SPATA20: variants seen among roughly 807,000 people sequenced by gnomAD.
SPATA20 encodes the protein spermatogenesis associated 20.
In SPATA20, 74 loss-of-function variants were observed where a neutral mutation model predicts 98.9. The observed-to-expected ratio is 0.75, with a 90% confidence interval of 0.62 to 0.91. The LOEUF is 0.91. Ranked by LOEUF, SPATA20 falls within the 40% of genes least tolerant of loss-of-function variation. The pLI, the probability that SPATA20 is intolerant of heterozygous loss-of-function variation, is 0.00. For synonymous variants in SPATA20, 430 were observed against 440.5 expected (o/e 0.98, Z 0.30); for missense variants, 1,016 against 1,069.8 (o/e 0.95, Z 0.70).
chr17:50,551,782 C>T, intron 13 of SPATA20, 103 bp downstream of exon 13: 2 of 1,364,130 alleles, frequency 1.5e-6, no homozygotes, highest in Non-Finnish European at 2.0e-6. Flanking sequence ...CTGGCTCTGC[C>T]AGGTGCTTGC....
rs143128330 is a variant in SPATA20, at chr17:50,554,483, G to A, written c.2157+33G>A. 2,218 of 1,599,462 alleles carry A rather than the reference G, an allele frequency of 1.4e-3. 23 individuals are homozygous for A. In the African/African-American group the frequency reaches 0.025, roughly 18 times the overall value. On this transcript the variant is annotated intron_variant, in intron 15 of 16. Transcript: ENST00000006658. ...GTGAGGGCATCTGGGCTGGGACCTCGGGTAGGAGGGAAGTTGGGGCTGCGA... is the reference window on the plus strand; with the variant it reads ...GTGAGGGCATCTGGGCTGGGACCTCAGGTAGGAGGGAAGTTGGGGCTGCGA...
chr17:50,549,876 C>T, intron 7 of SPATA20, 109 bp from the exon 8 acceptor site: 14 of 1,231,468 alleles, frequency 1.1e-5, no homozygotes, highest in Non-Finnish European at 1.6e-5. Flanking sequence ...CCAGAGACTG[C>T]CTGTTGAGTG....
rs1423186018 is a variant in SPATA20, at chr17:50,554,409, A to T, written c.2116A>T (p.Met706Leu). ...MRRVPVALPE[M>L]VRALSAQQQT... ...TCGTGTCCCGGTGGCGTTGCCCGAG[A>T]TGGTCCGCGCCCTCTCAGCCCAGCA... The change falls in exon 15 of 17, where the codon ATG (methionine) becomes TTG (leucine). Residue 706 changes from methionine (M) to leucine (L), a missense_variant. Physicochemically the swap from Met to Leu is conservative, Grantham distance 15. Transcript: ENST00000006658. 4.1e-5 allele frequency: 66 copies of T among 1,613,090 alleles called. No individual in the cohort carries two copies. The highest frequency in any genetic ancestry group is 5.6e-5 in the Non-Finnish European group (66 of 1,179,952).
chr17:50,549,986 G>T lies in SPATA20; in HGVS notation c.864G>T (p.Val288=). The stretch of plus-strand genomic sequence containing the variant: ...TGCATGTTCTTGGTGCCCCCACAGT[G>T]ATCCTGAGCTTCCTGTTCTCCTACT... ...FAEAPKFPTP[V]ILSFLFSYWL... Residue 288 remains valine, a splice_region_variant and synonymous_variant, in exon 8 of 17, where the codon GTG becomes GTT. Coordinates refer to ENST00000006658, the MANE Select transcript of SPATA20 (RefSeq NM_022827.4). The T allele has an allele frequency of 6.5e-7, 1 of 1,543,452 alleles. No individual in the cohort carries two copies.
In SPATA20 at chr17:50,549,915, C is replaced by A. The variant is rs545330811; in HGVS notation, c.863-70C>A. 2.7e-6 allele frequency: 4 copies of A among 1,505,714 alleles called. No homozygotes were observed. The South Asian group carries it at 4.0e-5, about 15-fold the overall frequency. 93.3% of individuals were successfully genotyped at this position (1,505,714 alleles called of 1,614,324 possible). Reference sequence around the variant, plus strand: ...TCCCAGCCTCTGCCTGGCCCAAGGCCTCCTGACCACCCCGATCTCTGTCCC... The same window carrying A: ...TCCCAGCCTCTGCCTGGCCCAAGGCATCCTGACCACCCCGATCTCTGTCCC... On this transcript the variant is annotated intron_variant, in intron 7 of 16. Transcript: ENST00000006658.
chr17:50,551,903 C>T, intron 13 of SPATA20, 66 bp from the exon 14 acceptor site: 1 of 1,429,694 alleles, frequency 7.0e-7, no homozygotes, highest in East Asian at 2.5e-5. Flanking sequence ...GTGAAAGGGC[C>T]TCCTCTGGGA....
At position 50,550,817 on chromosome 17, in the gene SPATA20, TC is replaced by T. The variant is rs1364561380; in HGVS notation, c.1286del (p.Pro429ArgfsTer11). On this transcript the variant is annotated frameshift_variant, in exon 11 of 17. Coordinates refer to ENST00000006658, the MANE Select transcript of SPATA20 (RefSeq NM_022827.4). LOFTEE classifies it high-confidence loss of function. ...ACGGTCAAAGAGGTTCAGCAGCTCC[TC>T]CCGGAGCCTGTGTTGGGTGCCACCG... ...VWTVKEVQQL[L>X]PEPVLGATEP... The T allele has an allele frequency of 6.2e-7, 1 of 1,612,778 alleles. No individual in the cohort carries two copies. Among genetic ancestry groups the T allele is most frequent in the Non-Finnish European group, 8.5e-7 (1 of 1,179,940 alleles).
rs1456402845 is a variant in SPATA20, at chr17:50,549,460, G to A, written c.835G>A (p.Ala279Thr). Residue 279 changes from alanine to threonine, a missense_variant, in exon 7 of 17, where the codon GCT becomes ACT. Physicochemically the swap from Ala to Thr is moderately conservative, Grantham distance 58. Transcript: ENST00000006658. ...EGYDEEYGGF[A>T]EAPKFPTPVI... ...CTATGATGAGGAATACGGTGGCTTC[G>A]CTGAGGCCCCCAAGTTTCCCACGCC... 3.1e-6 allele frequency: 5 copies of A among 1,612,158 alleles called. No homozygotes were observed. The highest frequency in any genetic ancestry group is 1.7e-5 in the Admixed American group (1 of 60,018).
rs1386518600 is a variant in SPATA20 at position 50,551,594 on chromosome 17, T to A, written c.1660T>A (p.Phe554Ile). The stretch of plus-strand genomic sequence containing the variant: ...CAACTATGCCACCAATGGTGCCAAG[T>A]TCCTGAAGCGGCACATGTTTGATGT... ...LINYATNGAK[F>I]LKRHMFDVAS... The change falls in exon 13 of 17, where the codon TTC becomes ATC. Residue 554 changes from phenylalanine to isoleucine, a missense_variant. Physicochemically the swap from Phe to Ile is conservative, Grantham distance 21 (BLOSUM62 0). Coordinates refer to ENST00000006658, the MANE Select transcript of SPATA20 (RefSeq NM_022827.4). 6.2e-7 allele frequency: 1 copy of A among 1,608,416 alleles called. No homozygotes were observed. The highest frequency in any genetic ancestry group is 8.5e-7 in the Non-Finnish European group (1 of 1,175,536).
chr17:50,549,558 G>T, intron 7 of SPATA20, 71 bp downstream of exon 7: 1 of 1,475,130 alleles, frequency 6.8e-7, no homozygotes, highest in Non-Finnish European at 9.2e-7. Context: ...GGACCTACTG[G>T]CTCCTGGCCT....
Position 50,554,521 on chromosome 17 carries a change from A to G in SPATA20, c.2157+71A>G, listed in dbSNP as rs917102761. On this transcript the variant is annotated intron_variant, in intron 15 of 16. Coordinates refer to ENST00000006658, the MANE Select transcript of SPATA20 (RefSeq NM_022827.4). ...GTTGGGGCTGCGATGGCAGATGGGA[A>G]CAGGGGGTGGGGTTCCTGGGCTGTC... is the stretch of plus-strand genomic sequence containing the variant. The G allele has an allele frequency of 1.7e-5, 26 of 1,507,754 alleles. No individual in the cohort carries two copies. In the African/African-American group the frequency reaches 3.4e-4, roughly 20 times the overall value. The allele number at this position is 1,507,754 out of a possible 1,614,324, so 93.4% of individuals were successfully genotyped here.
Position 50,548,822 on chromosome 17 carries a change from C to T in SPATA20, c.374C>T (p.Thr125Ile). The change falls in exon 5 of 17, where the codon ACC becomes ATC. Residue 125 changes from threonine (T) to isoleucine (I), a missense_variant. Coordinates refer to ENST00000006658, the MANE Select transcript of SPATA20 (RefSeq NM_022827.4). ...KPIFLSVGYS[T>I]CHWCHMMEEE... ...TGGCCCTGTTCAGTCGGGTACTCCA[C>T]CTGCCACTGGTGCCACATGATGGAA... 6.2e-7 allele frequency: 1 copy of T among 1,613,406 alleles called. No individual in the cohort carries two copies. Among genetic ancestry groups the T allele is most frequent in the Non-Finnish European group, 8.5e-7 (1 of 1,179,634 alleles).
rs755654926 is a variant in SPATA20 at position 50,555,291 on chromosome 17, C to G, written c.2217C>G (p.His739Gln). Residue 739 changes from histidine to glutamine, a missense_variant, in exon 16 of 17, where the codon CAC becomes CAG. Coordinates refer to ENST00000006658, the MANE Select transcript of SPATA20 (RefSeq NM_022827.4). The part of the protein sequence containing the change: ...KDTKALVQCV[H>Q]SVYIPNKVLI... ...CCAAGGCCCTGGTGCAGTGCGTCCA[C>G]TCTGTCTACATTCCTAACAAGGTAC... is the stretch of plus-strand genomic sequence containing the variant. The G allele has an allele frequency of 6.2e-7, 1 of 1,614,040 alleles. No homozygotes were observed. Among genetic ancestry groups the G allele is most frequent in the Non-Finnish European group, 8.5e-7 (1 of 1,179,952 alleles).
rs2035111612 is a variant in SPATA20, at chr17:50,555,781, C to T, written c.*119C>T. 2.3e-6 allele frequency: 2 copies of T among 870,968 alleles called. No individual in the cohort carries two copies. Among genetic ancestry groups the T allele is most frequent in the Admixed American group, 5.7e-5 (2 of 35,126 alleles). The allele number at this position is 870,968 out of a possible 1,614,324, so 54.0% of individuals were successfully genotyped here. A position where few individuals can be genotyped will look rare whatever the true frequency, so the allele number is the denominator to read the frequency against. ...CCCTGAGCACCCTGCCACCAGGTGA[C>T]CTCGGCCATACTCACTGCCCCCCTT... On this transcript the variant is annotated 3_prime_UTR_variant, in exon 17 of 17. Coordinates refer to ENST00000006658, the MANE Select transcript of SPATA20 (RefSeq NM_022827.4).
In SPATA20 at chr17:50,551,656, C is replaced by T. The variant is rs759128962; in HGVS notation, c.1722C>T (p.Gly574=). Residue 574 remains glycine (G), a synonymous_variant, in exon 13 of 17, where the codon GGC becomes GGT. Coordinates refer to ENST00000006658, the MANE Select transcript of SPATA20 (RefSeq NM_022827.4). The part of the protein sequence containing the change: ...SGRLMRTCYT[G]PGGTVEHSNP... ...GCCTGATGCGGACCTGCTACACCGGCCCTGGGGGGACTGTGGAGCACAGGT... is the reference window on the plus strand; with the variant it reads ...GCCTGATGCGGACCTGCTACACCGGTCCTGGGGGGACTGTGGAGCACAGGT... The T allele has an allele frequency of 4.4e-6, 7 of 1,592,670 alleles. No homozygotes were observed. The highest frequency in any genetic ancestry group is 6.0e-6 in the Non-Finnish European group (7 of 1,162,930).
In SPATA20 at chr17:50,549,149, T is replaced by A. The variant is rs767053961; in HGVS notation, c.623T>A (p.Val208Asp). 1 of 1,608,752 alleles carries A rather than the reference T, an allele frequency of 6.2e-7. No individual in the cohort carries two copies. Residue 208 changes from valine (V) to aspartate (D), a missense_variant, in exon 6 of 17, where the codon GTC becomes GAC. Coordinates refer to ENST00000006658, the MANE Select transcript of SPATA20 (RefSeq NM_022827.4). ...YFPPEDGLTR[V>D]GFRTVLLRIR... Reference sequence around the variant, plus strand: ...CCTCCTGAGGATGGCTTGACCCGAGTCGGCTTCCGCACAGTGTTGCTGAGA... The same window carrying A: ...CCTCCTGAGGATGGCTTGACCCGAGACGGCTTCCGCACAGTGTTGCTGAGA...
rs570891516 is a variant in SPATA20, at chr17:50,547,828, G to A, written c.125+61G>A. On this transcript the variant is annotated intron_variant, in intron 2 of 16. Transcript: ENST00000006658. ...TCCTCTGTTTGTCCCTCACCTGGTC[G>A]AGTCCCAGACCCTACTGATCTTGGC... The A allele has an allele frequency of 8.5e-5, 73 of 858,092 alleles. No homozygotes were observed. The African/African-American group carries it at 1.1e-3, about 13-fold the overall frequency. 53.2% of individuals were successfully genotyped at this position (858,092 alleles called of 1,614,324 possible). A position where few individuals can be genotyped will look rare whatever the true frequency, so the allele number is the denominator to read the frequency against.
Position 50,555,737 on chromosome 17 carries a change from C to T in SPATA20, c.*75C>T. 1 of 1,370,454 alleles carries T rather than the reference C, an allele frequency of 7.3e-7. No individual in the cohort carries two copies. Among genetic ancestry groups the T allele is most frequent in the Non-Finnish European group, 9.9e-7 (1 of 1,005,394 alleles). The allele number at this position is 1,370,454 out of a possible 1,614,324, so 84.9% of individuals were successfully genotyped here. On this transcript the variant is annotated 3_prime_UTR_variant, in exon 17 of 17. Transcript: ENST00000006658. ...CTAGAGACTCAGGCCCTGCAGGGCC[C>T]TATAGAACCTGTGGCCATCCCTGAG...
chr17:50,551,634 T>C lies in SPATA20; in HGVS notation c.1700T>C (p.Leu567Pro). 6.2e-7 allele frequency: 1 copy of C among 1,601,740 alleles called. No homozygotes were observed. The highest frequency in any genetic ancestry group is 8.5e-7 in the Non-Finnish European group (1 of 1,170,254). Residue 567 changes from leucine (L) to proline (P), a missense_variant, in exon 13 of 17, where the codon CTG (leucine) becomes CCG (proline). Physicochemically the swap from Leu to Pro is moderately conservative, Grantham distance 98. Transcript: ENST00000006658. ...RHMFDVASGR[L>P]MRTCYTGPGG... ...ATGTTTGATGTGGCCAGTGGCCGCC[T>C]GATGCGGACCTGCTACACCGGCCCT... is the stretch of plus-strand genomic sequence containing the variant.
Sources: gnomAD v4.1 joint callset for allele counts on GRCh38, gnomAD v4.1.1 for gene constraint, MANE v1.5 for transcripts, NCBI Gene and HGNC (gene_info 2026-07-23, HGNC 2026-07-21) for gene names.